The following VWA5B1 variants were observed in gnomAD, a reference collection of about 807,000 sequenced individuals.
VWA5B1 encodes von Willebrand factor A domain containing 5B1.
VWA5B1 carries 115 observed loss-of-function variants against 118.2 expected under a neutral mutation model. That is an observed-to-expected ratio of 0.97 (90% CI 0.84 to 1.14). VWA5B1 has a LOEUF of 1.14. Among genes scored for constraint, VWA5B1 ranks in the 50% most tolerant of loss-of-function variants. The pLI, the probability that VWA5B1 is intolerant of heterozygous loss-of-function variation, is 0.00. For synonymous variants in VWA5B1, 682 were observed against 658.4 expected, an observed-to-expected ratio of 1.04 and a Z score of -0.55; for missense variants, 1,596 against 1,603.8, an observed-to-expected ratio of 1.00 and a Z score of 0.08.
At position 20,356,959 on chromosome 1, in the gene VWA5B1, T is replaced by C. The variant is rs1265072022; in HGVS notation, c.*2696T>C. 1.3e-5 allele frequency among the ~76,000 whole-genome samples: 2 copies of C among 152,184 alleles called. No homozygotes were observed. The highest frequency in any genetic ancestry group is 2.9e-5 in the Non-Finnish European group (2 of 68,038). ...GAACCTTTGGTAATTAGTACATACA[T>C]TGAAGCTAACAGAGTTCTAAAGTTT... On this transcript the variant is annotated 3_prime_UTR_variant, in exon 22 of 22. Coordinates refer to ENST00000289815, the MANE Select transcript of VWA5B1 (RefSeq NM_001039500.3).
chr1:20,310,709 C>G lies in VWA5B1; in HGVS notation c.108C>G (p.Thr36=). The G allele has an allele frequency of 2.6e-6, 4 of 1,550,378 alleles. No individual in the cohort carries two copies. The highest frequency in any genetic ancestry group is 3.5e-6 in the Non-Finnish European group (4 of 1,146,540). ...CCCTGGGCCTAACTGCCTCCCTCAC[C>G]TATGGCAACCTGGAAGCCCAGCCCT... ...GYALGLTASL[T]YGNLEAQPFQ... is the part of the protein sequence containing the mutation. Residue 36 remains threonine (T), a synonymous_variant, in exon 2 of 22, where the codon ACC becomes ACG. Transcript: ENST00000289815.
chr1:20,291,383 C>T lies in VWA5B1; in HGVS notation c.-27+295C>T, dbSNP rs527512526. Among the ~76,000 whole-genome samples the T allele has an allele frequency of 8.7e-4, 130 of 149,078 alleles. 4 individuals are homozygous for T. In the South Asian group the frequency reaches 0.014, roughly 16 times the overall value. Reference sequence around the variant, plus strand: ...TTTCTCTCTCTCTCTCTCTCTCTCTCTCTTTCTGTCTCCTCTATTTCTCTC... The same window carrying T: ...TTTCTCTCTCTCTCTCTCTCTCTCTTTCTTTCTGTCTCCTCTATTTCTCTC... On this transcript the variant is annotated intron_variant, in intron 1 of 21. Coordinates refer to ENST00000289815, the MANE Select transcript of VWA5B1 (RefSeq NM_001039500.3).
At chr1:20,307,504 A>C (rs2088693812) in intron 1 of VWA5B1, among the ~76,000 whole-genome samples, 1 of 152,276 alleles carries the variant, frequency 6.6e-6, no homozygotes. Context: ...TCATCTGCAG[A>C]AGAATAATAC....
chr1:20,327,716 TCAG>T (rs2089430236), intron 8 of VWA5B1, among the ~76,000 whole-genome samples, 171 bp from the exon 9 acceptor site: 1 of 151,892 alleles, frequency 6.6e-6, no homozygotes, highest in African/African-American at 2.4e-5. Flanking sequence ...CAGCCTCTGG[TCAG>T]TGTCAGCAAA....
intron 1 of VWA5B1, chr1:20,303,473 T>C (rs1186283255): frequency 6.6e-6 from 1 of 152,322 alleles, no homozygotes; most frequent in Non-Finnish European, 1.5e-5. Context: ...CAGGGGTTAC[T>C]AAGGCAGATG....
At chr1:20,332,988 C>T in intron 12 of VWA5B1, 37 bp downstream of exon 12, 6 of 1,544,598 alleles carry the variant, frequency 3.9e-6, no homozygotes, top group Non-Finnish European at 5.3e-6. Flanking sequence ...CCGTGTGGGC[C>T]CAGAACCCAT....
At chr1:20,296,105 C>T (rs769428266) in intron 1 of VWA5B1, among the ~76,000 whole-genome samples, 8 of 152,118 alleles carry the variant, frequency 5.3e-5, no homozygotes, top group Non-Finnish European at 8.8e-5. Flanking sequence ...TCAGGTGATC[C>T]GCCCACCTCA....
chr1:20,359,039 GGT>G lies in VWA5B1; in HGVS notation c.*4778_*4779del, dbSNP rs1174073039. Among the ~76,000 whole-genome samples the G allele has an allele frequency of 1.3e-5, 2 of 152,212 alleles. No homozygotes were observed. Among genetic ancestry groups the G allele is most frequent in the Non-Finnish European group, 2.9e-5 (2 of 68,030 alleles). On this transcript the variant is annotated 3_prime_UTR_variant, in exon 22 of 22. Transcript: ENST00000289815. ...ACTGCCTCCCCGGGTTACCCGATGAGGTGGGATTTTTCTCCTGTTCATGCTGC... is the reference window on the plus strand; with the variant it reads ...ACTGCCTCCCCGGGTTACCCGATGAGGGGATTTTTCTCCTGTTCATGCTGC...
chr1:20,308,334 T>A (rs1207247217), intron 1 of VWA5B1, among the ~76,000 whole-genome samples: 1 of 152,080 alleles, frequency 6.6e-6, no homozygotes, highest in African/African-American at 2.4e-5. Context: ...GTGGGCAGAT[T>A]GGGTTGGGTA....
chr1:20,304,078 A>G (rs1470602980), intron 1 of VWA5B1, among the ~76,000 whole-genome samples: 1 of 152,188 alleles, frequency 6.6e-6, no homozygotes, highest in African/African-American at 2.4e-5. Context: ...CTCCAAACCA[A>G]GCACAGTCCA....
At position 20,352,142 on chromosome 1, in the gene VWA5B1, C is replaced by T. The variant is rs774593932; in HGVS notation, c.3111C>T (p.Ser1037=). The part of the protein sequence containing the change: ...KPLIKAVEST[S]GNQSFDYIPL... ...TGATCAAAGCTGTGGAGTCGACCTC[C>T]GGGAACCAGAGCTTCGACTACATAC... The change falls in exon 21 of 22, where the codon TCC becomes TCT. Residue 1037 remains serine, a synonymous_variant. Coordinates refer to ENST00000289815, the MANE Select transcript of VWA5B1 (RefSeq NM_001039500.3). 30 of 1,551,400 alleles carry T rather than the reference C, an allele frequency of 1.9e-5. No homozygotes were observed. The highest frequency in any genetic ancestry group is 2.4e-5 in the Non-Finnish European group (27 of 1,146,926).
chr1:20,314,338 CG>C lies in VWA5B1; in HGVS notation c.313del (p.Val105PhefsTer3). ...PTVTGNILQD[G>X]VSIAPHSCTP... ...GGCACTTAGGGAACATTCTGCAAGA[CG>C]GGGTTTCCATAGCCCCTCATTCCTG... On this transcript the variant is annotated frameshift_variant, in exon 4 of 22. Transcript: ENST00000289815. LOFTEE classifies it high-confidence loss of function. 1 of 1,551,854 alleles carries C rather than the reference CG, an allele frequency of 6.4e-7. No individual in the cohort carries two copies.
intron 1 of VWA5B1, among the ~76,000 whole-genome samples, chr1:20,309,040 C>A (rs1164096196): frequency 6.6e-6 from 1 of 152,176 alleles, no homozygotes; most frequent in Admixed American, 6.5e-5. Flanking sequence ...CCCACTTCTT[C>A]AAGGCATGTG....
chr1:20,348,188 G>A (rs1056871427), intron 17 of VWA5B1, 57 bp from the exon 18 acceptor site: 45 of 1,473,500 alleles, frequency 3.1e-5, no homozygotes, highest in Middle Eastern at 2.0e-4. Context: ...CTGGGGGAAA[G>A]GCAAAGGACT....
chr1:20,319,668 G>C (rs1165381359), intron 7 of VWA5B1, among the ~76,000 whole-genome samples, 162 bp downstream of exon 7: 1 of 152,162 alleles, frequency 6.6e-6, no homozygotes. Context: ...TGGGCCCCCG[G>C]GCACTGCAGG....
chr1:20,304,869 C>A, intron 1 of VWA5B1, among the ~76,000 whole-genome samples: 1 of 152,016 alleles, frequency 6.6e-6, no homozygotes, highest in Non-Finnish European at 1.5e-5. Flanking sequence ...CCTCTTCGAG[C>A]CTTGGTATTT....
chr1:20,323,891 C>A (rs78094866), intron 8 of VWA5B1, among the ~76,000 whole-genome samples: 2 of 152,122 alleles, frequency 1.3e-5, no homozygotes, highest in Non-Finnish European at 2.9e-5. Context: ...AGCCACTTAA[C>A]GTGAAGCTTG....
chr1:20,353,528 C>T (rs538773892), intron 21 of VWA5B1, among the ~76,000 whole-genome samples: 2 of 152,276 alleles, frequency 1.3e-5, no homozygotes, highest in African/African-American at 2.4e-5. Flanking sequence ...GGCCACCCAC[C>T]TAGGACAAGA....
Position 20,343,063 on chromosome 1 carries a change from G to C in VWA5B1, c.2312-16G>C. The C allele has an allele frequency of 1.3e-6, 2 of 1,496,608 alleles. No individual in the cohort carries two copies. Among genetic ancestry groups the C allele is most frequent in the Non-Finnish European group, 1.8e-6 (2 of 1,116,934 alleles). The allele number at this position is 1,496,608 out of a possible 1,614,324, so 92.7% of individuals were successfully genotyped here. A position where few individuals can be genotyped will look rare whatever the true frequency, so the allele number is the denominator to read the frequency against. On this transcript the variant is annotated splice_polypyrimidine_tract_variant and intron_variant, in intron 15 of 21. Coordinates refer to ENST00000289815, the MANE Select transcript of VWA5B1 (RefSeq NM_001039500.3). ...CCCCAGGTCAGCGCTTGGCCCACTT[G>C]TCCCTCTGCCCGCAGAGCCGTCCCA...
Sources: gnomAD v4.1 joint callset for allele counts (sites outside exome capture counted in the v4.1 genomes callset) on GRCh38, gnomAD v4.1.1 for gene constraint, MANE v1.5 for transcripts, NCBI Gene and HGNC (gene_info 2026-07-23, HGNC 2026-07-21) for gene names.